ADTRP: variants seen among roughly 807,000 people sequenced by gnomAD.
ADTRP encodes androgen-dependent TFPI-regulating protein.
Under a neutral mutation model 27.0 loss-of-function variants are expected in ADTRP, and 20 were observed. That is an observed-to-expected ratio of 0.74 (90% CI 0.52 to 1.08). ADTRP has a LOEUF of 1.08. ADTRP is among the 50% of genes least tolerant of loss of function. The pLI, the probability that ADTRP is intolerant of heterozygous loss-of-function variation, is 0.00. For synonymous variants in ADTRP, 101 were observed against 105.2 expected (o/e 0.96, Z 0.25); for missense variants, 251 against 275.0 (o/e 0.91, Z 0.62).
intron 3 of ADTRP, among the ~76,000 whole-genome samples, chr6:11,765,318 G>GTT (rs1561771294): frequency 4.2e-4 from 41 of 98,776 alleles, no homozygotes; most frequent in Admixed American, 3.7e-3. Context: ...CCTTTCCCCT[G>GTT]GTTTGTTTTT....
intron 5 of ADTRP, among the ~76,000 whole-genome samples, chr6:11,716,069 A>C (rs1761814849): frequency 6.6e-6 from 1 of 152,052 alleles, no homozygotes; most frequent in Admixed American, 6.5e-5. Context: ...TTTTCTGTAG[A>C]GTATACTCTG....
At chr6:11,738,527 C>T (rs1389607642) in intron 3 of ADTRP, 2 of 152,240 alleles carry the variant, frequency 1.3e-5, no homozygotes, top group Non-Finnish European at 2.9e-5. Context: ...ATTAACAAGC[C>T]CATTATACTG....
chr6:11,739,946 A>G (rs1025175639), intron 3 of ADTRP, among the ~76,000 whole-genome samples: 1 of 152,218 alleles, frequency 6.6e-6, no homozygotes, highest in Non-Finnish European at 1.5e-5. Flanking sequence ...AAAAATTCAG[A>G]GAGCCTACAT....
intron 4 of ADTRP, among the ~76,000 whole-genome samples, chr6:11,724,190 T>C (rs886492442): frequency 2.0e-5 from 3 of 152,188 alleles, no homozygotes; most frequent in African/African-American, 7.2e-5. Flanking sequence ...GAACCTGCTA[T>C]TATGGCATTG....
chr6:11,717,329 G>A (rs1421413527), intron 5 of ADTRP: 1 of 1,304,144 alleles, frequency 7.7e-7, no homozygotes, highest in Admixed American at 2.3e-5. Flanking sequence ...TGACCAGTTG[G>A]TGCTTGGCTG....
At chr6:11,740,374 A>G (rs1762677513) in intron 3 of ADTRP, among the ~76,000 whole-genome samples, 1 of 145,782 alleles carries the variant, frequency 6.9e-6, no homozygotes, top group Non-Finnish European at 1.5e-5. Flanking sequence ...TGTTTACAAT[A>G]TATCAAATAT....
At chr6:11,742,256 C>T (rs1459456972) in intron 3 of ADTRP, among the ~76,000 whole-genome samples, 1 of 152,194 alleles carries the variant, frequency 6.6e-6, no homozygotes, top group Non-Finnish European at 1.5e-5. Flanking sequence ...TCTACTCAGT[C>T]TCCTTATTAT....
At chr6:11,753,415 G>A (rs564937675) in intron 3 of ADTRP, among the ~76,000 whole-genome samples, 3 of 152,096 alleles carry the variant, frequency 2.0e-5, no homozygotes, top group Non-Finnish European at 4.4e-5. Context: ...AAAAAAAGAA[G>A]CCACTAAATC....
intron 3 of ADTRP, among the ~76,000 whole-genome samples, chr6:11,762,926 G>T (rs1763439354): frequency 6.6e-6 from 1 of 152,148 alleles, no homozygotes; most frequent in East Asian, 1.9e-4. Context: ...AAATCTGTCT[G>T]CTCTGATTCT....
chr6:11,768,586 T>G (rs1180188869), intron 1 of ADTRP, among the ~76,000 whole-genome samples: 1 of 152,096 alleles, frequency 6.6e-6, no homozygotes, highest in Admixed American at 6.5e-5. Context: ...ATTGAGCAAA[T>G]TTGTTTAGGG....
At chr6:11,755,104 A>G (rs573626519) in intron 3 of ADTRP, 1 of 985,034 alleles carries the variant, frequency 1.0e-6, no homozygotes, top group South Asian at 4.7e-5. Context: ...CAAGGATGTG[A>G]GCACTGGTTG....
intron 1 of ADTRP, among the ~76,000 whole-genome samples, chr6:11,777,186 T>C (rs1307304448): frequency 6.6e-6 from 1 of 152,218 alleles, no homozygotes; most frequent in Non-Finnish European, 1.5e-5. Context: ...CTTTTCTCAC[T>C]CTTGGAAAAT....
Position 11,722,012 on chromosome 6 carries a change from A to G in ADTRP, c.658+1337T>C, listed in dbSNP as rs1456277120. Among the ~76,000 whole-genome samples, 4 of 152,138 alleles carry G rather than the reference A, an allele frequency of 2.6e-5. No individual in the cohort carries two copies. The East Asian group carries it at 7.7e-4, about 29-fold the overall frequency. On this transcript the variant is annotated intron_variant, in intron 5 of 5. Coordinates refer to ENST00000414691, the MANE Select transcript of ADTRP (RefSeq NM_032744.4). Reference sequence around the variant, plus strand: ...TTTCTCTGTACTTCCTATATCTTAAAGCTTCTTTAAATATATATAGAGAGA... The same window carrying G: ...TTTCTCTGTACTTCCTATATCTTAAGGCTTCTTTAAATATATATAGAGAGA...
chr6:11,713,807 A>G lies in ADTRP; in HGVS notation c.*671T>C, dbSNP rs895848065. On this transcript the variant is annotated 3_prime_UTR_variant, in exon 6 of 6. Coordinates refer to ENST00000414691, the MANE Select transcript of ADTRP (RefSeq NM_032744.4). ...AGAAACAGATTTCCCAGTATTTTTT[A>G]TAACTTACTTTCCCATTGTCTTCAA... 2.0e-5 allele frequency: 3 copies of G among 152,224 alleles called. No individual in the cohort carries two copies. The highest frequency in any genetic ancestry group is 4.8e-5 in the African/African-American group (2 of 41,444). 9.4% of individuals were successfully genotyped at this position (152,224 alleles called of 1,614,324 possible).
chr6:11,751,365 A>C (rs1397646127), intron 3 of ADTRP, among the ~76,000 whole-genome samples: 1 of 152,170 alleles, frequency 6.6e-6, no homozygotes, highest in Non-Finnish European at 1.5e-5. Flanking sequence ...TCAAATTCCC[A>C]TTAATATTTT....
chr6:11,721,069 G>A (rs1343803256), intron 5 of ADTRP, among the ~76,000 whole-genome samples: 1 of 152,198 alleles, frequency 6.6e-6, no homozygotes, highest in East Asian at 1.9e-4. Context: ...TAGTAAAACC[G>A]CAGTCATGAT....
Position 11,735,555 on chromosome 6 carries a change from A to G in ADTRP, c.506+13T>C. ...CGACAAGCCTAAGTTGACTTTCTCC[A>G]TGTAATTCTTACCGGCTGATGTAAG... is the stretch of plus-strand genomic sequence containing the variant. On this transcript the variant is annotated intron_variant, in intron 4 of 5. Coordinates refer to ENST00000414691, the MANE Select transcript of ADTRP (RefSeq NM_032744.4). 2 of 1,596,422 alleles carry G rather than the reference A, an allele frequency of 1.3e-6. No individual in the cohort carries two copies. The highest frequency in any genetic ancestry group is 1.7e-6 in the Non-Finnish European group (2 of 1,164,546).
chr6:11,773,944 C>G (rs551495867), intron 1 of ADTRP, among the ~76,000 whole-genome samples: 23 of 152,302 alleles, frequency 1.5e-4, no homozygotes, highest in African/African-American at 5.3e-4. Context: ...AGTCCTTACC[C>G]TTTCAGCTAT....
At position 11,714,058 on chromosome 6, in the gene ADTRP, G is replaced by A. The variant is rs169790; in HGVS notation, c.*420C>T. 1,103 of 163,480 alleles carry A rather than the reference G, an allele frequency of 6.7e-3. 34 individuals carry two copies. The highest frequency in any genetic ancestry group is 0.047 in the Admixed American group (722 of 15,472). The allele number at this position is 163,480 out of a possible 1,614,324, so 10.1% of individuals were successfully genotyped here. ...GTCATTGCCTTGGTTCTGACACTAA[G>A]TAACCCTTTTGCCTTTTGCAGGTAA... On this transcript the variant is annotated 3_prime_UTR_variant, in exon 6 of 6. Coordinates refer to ENST00000414691, the MANE Select transcript of ADTRP (RefSeq NM_032744.4).
Sources: allele counts gnomAD v4.1 joint callset (sites outside exome capture counted in the v4.1 genomes callset), GRCh38; gene constraint gnomAD v4.1.1; transcripts MANE v1.5; gene names NCBI Gene and HGNC (gene_info 2026-07-23, HGNC 2026-07-21).